The following ITPR1 variants were observed in gnomAD, a reference collection of about 807,000 sequenced individuals.
The protein encoded by ITPR1 is inositol 1,4,5-trisphosphate receptor type 1.
ITPR1 carries 96 observed loss-of-function variants against 318.4 expected under a neutral mutation model. That is an observed-to-expected ratio of 0.30 (90% confidence interval 0.26 to 0.36). The LOEUF (loss-of-function observed/expected upper bound fraction) is 0.36, where lower values mean the gene tolerates loss of function less well. Among genes scored for constraint, ITPR1 ranks in the 10% least tolerant of loss-of-function variants. The probability of loss-of-function intolerance (pLI) is 1.00; values close to 1 mark genes in which losing one functional copy is unlikely to be tolerated. For synonymous variants in ITPR1, 1,312 were observed against 1,289.9 expected (o/e 1.02, Z -0.37); for missense variants, 2,440 against 3,460.2 (o/e 0.71, Z 7.40).
At chr3:4,521,979 T>C (rs1395360944) in intron 4 of ITPR1, among the ~76,000 whole-genome samples, 3 of 152,196 alleles carry the variant, frequency 2.0e-5, no homozygotes, top group Admixed American at 2.0e-4. Context: ...TCTCCAAAGG[T>C]AGCTTAGTTT....
intron 39 of ITPR1, among the ~76,000 whole-genome samples, chr3:4,716,289 C>T (rs1308836531): frequency 1.3e-5 from 2 of 152,166 alleles, no homozygotes; most frequent in African/African-American, 4.8e-5. Flanking sequence ...AATCTTCAAG[C>T]CCCTAGACCC....
intron 4 of ITPR1, among the ~76,000 whole-genome samples, chr3:4,522,638 C>T (rs1248750789): frequency 6.6e-6 from 1 of 152,222 alleles, no homozygotes; most frequent in Admixed American, 6.5e-5. Context: ...TTCATGTTTC[C>T]TTCCAAGACA....
Position 4,843,822 on chromosome 3 carries a change from AAAGG to A in ITPR1, c.8191-2313_8191-2310del, listed in dbSNP as rs201358386. ...CATCAGGCCGCGGCTGTGGAAGTGA[AAAGG>A]AAGCCAGGCCACCAACTGAAGACTC... is the stretch of plus-strand genomic sequence containing the variant. On this transcript the variant is annotated intron_variant, in intron 61 of 61. Coordinates refer to ENST00000649015, the MANE Select transcript of ITPR1 (RefSeq NM_001378452.1). Among the ~76,000 whole-genome samples, 659 of 152,292 alleles carry A rather than the reference AAAGG, an allele frequency of 4.3e-3. 24 individuals are homozygous for A. The highest frequency in any genetic ancestry group is 0.041 in the Admixed American group (629 of 15,294).
intron 42 of ITPR1, among the ~76,000 whole-genome samples, chr3:4,727,451 G>A (rs2042599166): frequency 6.6e-6 from 1 of 151,944 alleles, no homozygotes; most frequent in Non-Finnish European, 1.5e-5. Flanking sequence ...TTCTATTTAG[G>A]TGAAATATAA....
At chr3:4,736,646 G>C (rs529182801) in intron 44 of ITPR1, among the ~76,000 whole-genome samples, 4 of 152,254 alleles carry the variant, frequency 2.6e-5, no homozygotes, top group Non-Finnish European at 5.9e-5. Context: ...ACGTGGGCAC[G>C]AGTCGTACAC....
intron 4 of ITPR1, among the ~76,000 whole-genome samples, chr3:4,602,585 G>A (rs568581045): frequency 2.4e-4 from 36 of 149,950 alleles, no homozygotes; most frequent in African/African-American, 7.6e-4. Flanking sequence ...ATTATTCATC[G>A]TAGCTAAAAA....
chr3:4,652,973 A>G (rs2093629931), intron 11 of ITPR1, among the ~76,000 whole-genome samples: 1 of 152,144 alleles, frequency 6.6e-6, no homozygotes, highest in South Asian at 2.1e-4. Flanking sequence ...GGGTGACAGA[A>G]TGAGACTCTG....
chr3:4,733,491 T>G (rs1345880373), intron 43 of ITPR1, among the ~76,000 whole-genome samples: 1 of 152,160 alleles, frequency 6.6e-6, no homozygotes, highest in East Asian at 1.9e-4. Context: ...TTGAATGATT[T>G]GAGGGATTTG....
intron 4 of ITPR1, among the ~76,000 whole-genome samples, chr3:4,586,360 G>GGCTT (rs1458734345): frequency 1.3e-5 from 2 of 152,170 alleles, no homozygotes; most frequent in African/African-American, 4.8e-5. Context: ...GGAAAACTGA[G>GGCTT]GCTTAGAGGA....
chr3:4,785,611 C>A (rs1401876593), intron 51 of ITPR1, among the ~76,000 whole-genome samples: 1 of 152,134 alleles, frequency 6.6e-6, no homozygotes, highest in Non-Finnish European at 1.5e-5. Flanking sequence ...ACTGAAGGGC[C>A]AGCTCTGTCC....
chr3:4,568,034 C>G (rs1410915408), intron 4 of ITPR1, among the ~76,000 whole-genome samples: 2 of 152,154 alleles, frequency 1.3e-5, no homozygotes, highest in Admixed American at 6.5e-5. Flanking sequence ...GATTTGAAAT[C>G]TATGCCAAAG....
At chr3:4,501,606 C>G (rs2081028024) in intron 2 of ITPR1, among the ~76,000 whole-genome samples, 1 of 152,242 alleles carries the variant, frequency 6.6e-6, no homozygotes, top group African/African-American at 2.4e-5. Context: ...CTCACCTGTT[C>G]AGGCTGAAGC....
At chr3:4,606,710 G>T (rs2091730954) in intron 4 of ITPR1, among the ~76,000 whole-genome samples, 1 of 152,180 alleles carries the variant, frequency 6.6e-6, no homozygotes, top group Non-Finnish European at 1.5e-5. Flanking sequence ...GTAGCTACCT[G>T]TGGAGATATT....
rs1326250207 is a variant in ITPR1 at position 4,717,383 on chromosome 3, A to G, written c.5120A>G (p.Glu1707Gly). The stretch of plus-strand genomic sequence containing the variant: ...CTTTTCCAGCTAATTTCCATTGATG[A>G]ATTGGATAATGCTGAGGTCCTAATT... Reference protein sequence around the residue: ...GYGEKLISIDELDNAELPPAP... With the variant: ...GYGEKLISIDGLDNAELPPAP... Residue 1707 changes from glutamate to glycine, a missense_variant, in exon 40 of 62, where the codon GAA becomes GGA. Around this residue, in one of 23 missense-constraint regions of ITPR1, gnomAD observed 166 missense variants for 143.7 expected, o/e 1.16. Transcript: ENST00000649015. 1.1e-5 allele frequency: 17 copies of G among 1,596,876 alleles called. No homozygotes were observed. Among genetic ancestry groups the G allele is most frequent in the Non-Finnish European group, 1.4e-5 (17 of 1,177,536 alleles).
At chr3:4,593,636 G>A (rs531837947) in intron 4 of ITPR1, among the ~76,000 whole-genome samples, 1 of 152,300 alleles carries the variant, frequency 6.6e-6, no homozygotes, top group Admixed American at 6.5e-5. Context: ...AATAAGAGGG[G>A]CCATGCTGTT....
chr3:4,661,996 C>T (rs934803762), intron 14 of ITPR1, 86 bp from the exon 15 acceptor site: 39 of 1,172,544 alleles, frequency 3.3e-5, no homozygotes, highest in Non-Finnish European at 4.3e-5. Flanking sequence ...TTGGGATCAG[C>T]CAGTGTCTCG....
At chr3:4,581,824 C>T (rs1487743919) in intron 4 of ITPR1, among the ~76,000 whole-genome samples, 1 of 152,130 alleles carries the variant, frequency 6.6e-6, no homozygotes, top group Admixed American at 6.5e-5. Flanking sequence ...CCTGTGGACT[C>T]AAAATGTCAT....
At chr3:4,547,504 C>T (rs923560404) in intron 4 of ITPR1, among the ~76,000 whole-genome samples, 3 of 152,136 alleles carry the variant, frequency 2.0e-5, no homozygotes, top group Non-Finnish European at 4.4e-5. Flanking sequence ...TCTATGGCTT[C>T]AAAGGACTTT....
intron 14 of ITPR1, 26 bp downstream of exon 14, chr3:4,661,113 C>G: frequency 7.4e-7 from 1 of 1,354,980 alleles, no homozygotes; most frequent in Non-Finnish European, 1.1e-6. Flanking sequence ...TGCCTGTCTC[C>G]TTTTGGTCTC....
Sources: allele counts gnomAD v4.1 joint callset (sites outside exome capture counted in the v4.1 genomes callset), GRCh38; gene constraint gnomAD v4.1.1; regional missense constraint gnomAD v4.1.1; transcripts MANE v1.5; gene names NCBI Gene and HGNC (gene_info 2026-07-23, HGNC 2026-07-21).